The following RAP2B variants were observed in gnomAD, a reference collection of about 807,000 sequenced individuals.
RAP2B encodes ras-related protein Rap-2b.
A neutral mutation model predicts 14.4 loss-of-function variants in RAP2B; 6 were observed. The observed-to-expected ratio is 0.42, with a 90% CI of 0.23 to 0.82. The LOEUF (loss-of-function observed/expected upper bound fraction) is 0.82, where lower values mean the gene tolerates loss of function less well. Among genes scored for constraint, RAP2B ranks in the 40% least tolerant of loss-of-function variants. The pLI is 0.30. For synonymous variants in RAP2B, 118 were observed against 113.2 expected, an observed-to-expected ratio of 1.04 and a Z score of -0.27; for missense variants, 137 against 248.2, an observed-to-expected ratio of 0.55 and a Z score of 3.01.
At position 153,168,239 on chromosome 3, in the gene RAP2B, C is replaced by T. The variant is rs1195378301; in HGVS notation, c.*4994C>T. ...GCCTTCTAAAGAAACAATAGTAGAT[C>T]TAATTACAAGTAGTGGATTGCTTAC... On this transcript the variant is annotated 3_prime_UTR_variant, in exon 1 of 1. Transcript: ENST00000323534. 3 of 166,876 alleles carry T rather than the reference C, an allele frequency of 1.8e-5. No individual in the cohort carries two copies. The highest frequency in any genetic ancestry group is 7.2e-5 in the African/African-American group (3 of 41,422). The allele number at this position is 166,876 out of a possible 1,614,324, so 10.3% of individuals were successfully genotyped here.
Position 153,162,773 on chromosome 3 carries a change from C to A in RAP2B, c.80C>A (p.Ser27Tyr). The change falls in exon 1 of 1, where the codon TCC becomes TAC. Residue 27 changes from serine (S) to tyrosine (Y), a missense_variant. This residue lies in a region of RAP2B where 31 missense variants were observed against 104.7 expected (regional missense o/e 0.30). Coordinates refer to ENST00000323534, the MANE Select transcript of RAP2B (RefSeq NM_002886.4). The surrounding 1 kb of genome is among the most constrained non-coding windows in gnomAD (Gnocchi z 4.9). ...CTCACCGTGCAGTTCGTGACGGGCTCCTTCATCGAGAAGTACGACCCGACC... is the reference window on the plus strand; with the variant it reads ...CTCACCGTGCAGTTCGTGACGGGCTACTTCATCGAGAAGTACGACCCGACC... ...SALTVQFVTG[S>Y]FIEKYDPTIE... The A allele has an allele frequency of 6.2e-7, 1 of 1,614,096 alleles. No homozygotes were observed. Among genetic ancestry groups the A allele is most frequent in the Non-Finnish European group, 8.5e-7 (1 of 1,180,042 alleles).
rs1713645205 is a variant in RAP2B, at chr3:153,168,674, A to G, written c.*5429A>G. On this transcript the variant is annotated 3_prime_UTR_variant, in exon 1 of 1. Transcript: ENST00000323534. ...CTTCCCTACCCATGATAGATTTATT[A>G]AGATTGTCTTTGGAGCTATGTCTTC... The G allele has an allele frequency of 6.6e-6, 1 of 152,210 alleles. No homozygotes were observed. The highest frequency in any genetic ancestry group is 1.5e-5 in the Non-Finnish European group (1 of 68,040). The allele number at this position is 152,210 out of a possible 1,614,324, so 9.4% of individuals were successfully genotyped here. A position where few individuals can be genotyped will look rare whatever the true frequency, so the allele number is the denominator to read the frequency against.
Position 153,165,474 on chromosome 3 carries a change from C to T in RAP2B, c.*2229C>T, listed in dbSNP as rs972461904. On this transcript the variant is annotated 3_prime_UTR_variant, in exon 1 of 1. Transcript: ENST00000323534. ...TATACCTTAGGTCTATGAAGTGTAGCTGAAATCTGAAGAGTCTTGACAAAG... is the reference window on the plus strand; with the variant it reads ...TATACCTTAGGTCTATGAAGTGTAGTTGAAATCTGAAGAGTCTTGACAAAG... The T allele has an allele frequency of 6.1e-6, 1 of 165,108 alleles. No homozygotes were observed. The highest frequency in any genetic ancestry group is 6.5e-5 in the Admixed American group (1 of 15,270). 10.2% of individuals were successfully genotyped at this position (165,108 alleles called of 1,614,324 possible).
At position 153,165,479 on chromosome 3, in the gene RAP2B, A is replaced by C. The variant is rs1408596915; in HGVS notation, c.*2234A>C. 2 of 165,290 alleles carry C rather than the reference A, an allele frequency of 1.2e-5. No individual in the cohort carries two copies. Among genetic ancestry groups the C allele is most frequent in the African/African-American group, 4.8e-5 (2 of 41,462 alleles). The allele number at this position is 165,290 out of a possible 1,614,324, so 10.2% of individuals were successfully genotyped here. A position where few individuals can be genotyped will look rare whatever the true frequency, so the allele number is the denominator to read the frequency against. On this transcript the variant is annotated 3_prime_UTR_variant, in exon 1 of 1. Transcript: ENST00000323534. ...CTTAGGTCTATGAAGTGTAGCTGAA[A>C]TCTGAAGAGTCTTGACAAAGGGATT...
Position 153,162,732 on chromosome 3 carries a change from C to T in RAP2B, c.39C>T (p.Gly13=). 1 of 1,613,600 alleles carries T rather than the reference C, an allele frequency of 6.2e-7. No individual in the cohort carries two copies. The highest frequency in any genetic ancestry group is 1.1e-5 in the South Asian group (1 of 91,074). The change falls in exon 1 of 1, where the codon GGC becomes GGT. Residue 13 remains glycine, a synonymous_variant. Coordinates refer to ENST00000323534, the MANE Select transcript of RAP2B (RefSeq NM_002886.4). The surrounding 1 kb of genome is among the most constrained non-coding windows in gnomAD (Gnocchi z 4.9). Reference sequence around the variant, plus strand: ...AAGTGGTGGTGCTGGGCTCGGGCGGCGTGGGCAAGTCCGCGCTCACCGTGC... The same window carrying T: ...AAGTGGTGGTGCTGGGCTCGGGCGGTGTGGGCAAGTCCGCGCTCACCGTGC... ...EYKVVVLGSG[G]VGKSALTVQF...
In RAP2B at chr3:153,166,429, G is replaced by GT; in HGVS notation, c.*3187dup. On this transcript the variant is annotated 3_prime_UTR_variant, in exon 1 of 1. Transcript: ENST00000323534. ...AAGGAAGTGAGTCAGGGAGGGCGGA[G>GT]TTTGTTGTAAGGCAATCACCTGTCA... 1 of 167,050 alleles carries GT rather than the reference G, an allele frequency of 6.0e-6. No individual in the cohort carries two copies. The highest frequency in any genetic ancestry group is 1.5e-5 in the Non-Finnish European group (1 of 68,092). 10.3% of individuals were successfully genotyped at this position (167,050 alleles called of 1,614,324 possible).
rs142852090 is a variant in RAP2B, at chr3:153,168,892, C to T, written c.*5647C>T. The T allele has an allele frequency of 2.1e-3, 316 of 152,284 alleles. No individual in the cohort carries two copies. The highest frequency in any genetic ancestry group is 7.5e-3 in the African/African-American group (310 of 41,570). The allele number at this position is 152,284 out of a possible 1,614,324, so 9.4% of individuals were successfully genotyped here. On this transcript the variant is annotated 3_prime_UTR_variant, in exon 1 of 1. Transcript: ENST00000323534. ...TATTGCTGGTGATAGTACAATGAAA[C>T]ACTGACTTCAGTATATTTTTATCTT...
chr3:153,162,673 G>A lies in RAP2B; in HGVS notation c.-21G>A, dbSNP rs758016755. 1 of 1,574,858 alleles carries A rather than the reference G, an allele frequency of 6.3e-7. No individual in the cohort carries two copies. The highest frequency in any genetic ancestry group is 8.6e-7 in the Non-Finnish European group (1 of 1,159,402). On this transcript the variant is annotated 5_prime_UTR_variant, in exon 1 of 1. Coordinates refer to ENST00000323534, the MANE Select transcript of RAP2B (RefSeq NM_002886.4). This position sits in a 1 kb window ranked among gnomAD's most constrained non-coding sequence, Gnocchi z 4.9. Reference sequence around the variant, plus strand: ...GCCCCGACGGGGCCGCGGCAGGCGCGGCGAGAGCGCTGACGGAGCCATGAG... The same window carrying A: ...GCCCCGACGGGGCCGCGGCAGGCGCAGCGAGAGCGCTGACGGAGCCATGAG...
At position 153,167,970 on chromosome 3, in the gene RAP2B, T is replaced by C. The variant is rs952360044; in HGVS notation, c.*4725T>C. ...TCATGGCAAGGGTTCTAAAAATCATTGTGCCAGAGAATTTAAATCTTCATA... is the reference window on the plus strand; with the variant it reads ...TCATGGCAAGGGTTCTAAAAATCATCGTGCCAGAGAATTTAAATCTTCATA... On this transcript the variant is annotated 3_prime_UTR_variant, in exon 1 of 1. Coordinates refer to ENST00000323534, the MANE Select transcript of RAP2B (RefSeq NM_002886.4). 1.8e-5 allele frequency: 3 copies of C among 167,066 alleles called. No homozygotes were observed. The highest frequency in any genetic ancestry group is 2.9e-5 in the Non-Finnish European group (2 of 68,116). 10.3% of individuals were successfully genotyped at this position (167,066 alleles called of 1,614,324 possible).
At position 153,165,139 on chromosome 3, in the gene RAP2B, G is replaced by A. The variant is rs1345601547; in HGVS notation, c.*1894G>A. On this transcript the variant is annotated 3_prime_UTR_variant, in exon 1 of 1. Transcript: ENST00000323534. Reference sequence around the variant, plus strand: ...TCCCTCTGTTTATATTGCACATCAAGTCAAAAACATGTTTGGGAAAGATGG... The same window carrying A: ...TCCCTCTGTTTATATTGCACATCAAATCAAAAACATGTTTGGGAAAGATGG... 3 of 166,984 alleles carry A rather than the reference G, an allele frequency of 1.8e-5. No individual in the cohort carries two copies. The highest frequency in any genetic ancestry group is 4.4e-5 in the Non-Finnish European group (3 of 68,082). The allele number at this position is 166,984 out of a possible 1,614,324, so 10.3% of individuals were successfully genotyped here. A position where few individuals can be genotyped will look rare whatever the true frequency, so the allele number is the denominator to read the frequency against.
chr3:153,163,103 A>G lies in RAP2B; in HGVS notation c.410A>G (p.Glu137Gly). The G allele has an allele frequency of 1.9e-6, 3 of 1,613,776 alleles. No individual in the cohort carries two copies. The highest frequency in any genetic ancestry group is 2.5e-6 in the Non-Finnish European group (3 of 1,180,014). ...GGGGAGGGCAAGGCCCTGGCTGAGG[A>G]GTGGAGCTGCCCCTTCATGGAGACG... is the stretch of plus-strand genomic sequence containing the variant. ...SYGEGKALAEEWSCPFMETSA... is the reference protein window; with the variant it reads ...SYGEGKALAEGWSCPFMETSA... The change falls in exon 1 of 1, where the codon GAG (glutamate) becomes GGG (glycine). Residue 137 changes from glutamate (E) to glycine (G), a missense_variant. By Grantham distance (98) the Glu-to-Gly change is moderately conservative (BLOSUM62 -2). Around this residue, in one of 2 missense-constraint regions of RAP2B, gnomAD observed 106 missense variants for 143.5 expected, o/e 0.74. Coordinates refer to ENST00000323534, the MANE Select transcript of RAP2B (RefSeq NM_002886.4).
At position 153,170,287 on chromosome 3, in the gene RAP2B, A is replaced by G. The variant is rs1576683638; in HGVS notation, c.*7042A>G. On this transcript the variant is annotated 3_prime_UTR_variant, in exon 1 of 1. Coordinates refer to ENST00000323534, the MANE Select transcript of RAP2B (RefSeq NM_002886.4). ...GAGACCAACCTTAATTATCAAGAAT[A>G]TGGTTGCAGTGGAAATTGGTAAACA... 1 of 152,230 alleles carries G rather than the reference A, an allele frequency of 6.6e-6. No individual in the cohort carries two copies. The highest frequency in any genetic ancestry group is 1.9e-4 in the East Asian group (1 of 5,202). The allele number at this position is 152,230 out of a possible 1,614,324, so 9.4% of individuals were successfully genotyped here. A position where few individuals can be genotyped will look rare whatever the true frequency, so the allele number is the denominator to read the frequency against.
rs1713616437 is a variant in RAP2B at position 153,167,677 on chromosome 3, T to G, written c.*4432T>G. The G allele has an allele frequency of 6.0e-6, 1 of 167,106 alleles. No homozygotes were observed. The highest frequency in any genetic ancestry group is 1.5e-5 in the Non-Finnish European group (1 of 68,110). 10.4% of individuals were successfully genotyped at this position (167,106 alleles called of 1,614,324 possible). A position where few individuals can be genotyped will look rare whatever the true frequency, so the allele number is the denominator to read the frequency against. ...TACCATTTATACTAAGACTAACTGT[T>G]GTGTGTGAAATAGAATAAACATTGC... is the stretch of plus-strand genomic sequence containing the variant. On this transcript the variant is annotated 3_prime_UTR_variant, in exon 1 of 1. Coordinates refer to ENST00000323534, the MANE Select transcript of RAP2B (RefSeq NM_002886.4).
rs1713683212 is a variant in RAP2B, at chr3:153,169,862, G to T, written c.*6617G>T. ...CCTCCTCAGCCCCTCAAAGTGCTGGGATTACAGGCCTGAGCCACTGCATCC... is the reference window on the plus strand; with the variant it reads ...CCTCCTCAGCCCCTCAAAGTGCTGGTATTACAGGCCTGAGCCACTGCATCC... On this transcript the variant is annotated 3_prime_UTR_variant, in exon 1 of 1. Transcript: ENST00000323534. 6.6e-6 allele frequency: 1 copy of T among 152,376 alleles called. No individual in the cohort carries two copies. Among genetic ancestry groups the T allele is most frequent in the African/African-American group, 2.4e-5 (1 of 41,570 alleles). 9.4% of individuals were successfully genotyped at this position (152,376 alleles called of 1,614,324 possible). A position where few individuals can be genotyped will look rare whatever the true frequency, so the allele number is the denominator to read the frequency against.
In RAP2B at chr3:153,168,110, A is replaced by G. The variant is rs1713630588; in HGVS notation, c.*4865A>G. 6.0e-6 allele frequency: 1 copy of G among 166,998 alleles called. No homozygotes were observed. 10.3% of individuals were successfully genotyped at this position (166,998 alleles called of 1,614,324 possible). A position where few individuals can be genotyped will look rare whatever the true frequency, so the allele number is the denominator to read the frequency against. On this transcript the variant is annotated 3_prime_UTR_variant, in exon 1 of 1. Coordinates refer to ENST00000323534, the MANE Select transcript of RAP2B (RefSeq NM_002886.4). ...AATCCATTCTGGGAAAATGCATACCACAAAACTGTGTATCTTGCAGCTTCT... is the reference window on the plus strand; with the variant it reads ...AATCCATTCTGGGAAAATGCATACCGCAAAACTGTGTATCTTGCAGCTTCT...
In RAP2B at chr3:153,165,278, C is replaced by T. The variant is rs1258433675; in HGVS notation, c.*2033C>T. ...ATTTGGAAATAGATTTAAAAGAAAACAGGCTAAGATAATATCCTTGTTCTC... is the reference window on the plus strand; with the variant it reads ...ATTTGGAAATAGATTTAAAAGAAAATAGGCTAAGATAATATCCTTGTTCTC... On this transcript the variant is annotated 3_prime_UTR_variant, in exon 1 of 1. Transcript: ENST00000323534. The T allele has an allele frequency of 1.8e-5, 3 of 167,050 alleles. No individual in the cohort carries two copies. The Admixed American group carries it at 2.0e-4, about 11-fold the overall frequency. The allele number at this position is 167,050 out of a possible 1,614,324, so 10.3% of individuals were successfully genotyped here. A position where few individuals can be genotyped will look rare whatever the true frequency, so the allele number is the denominator to read the frequency against.
chr3:153,167,561 A>G lies in RAP2B; in HGVS notation c.*4316A>G, dbSNP rs1181991637. On this transcript the variant is annotated 3_prime_UTR_variant, in exon 1 of 1. Transcript: ENST00000323534. The stretch of plus-strand genomic sequence containing the variant: ...GACAGCCACCTAGATATTGAGAGAC[A>G]CAGACTTCAGACTCATGTCACACAT... 2 of 167,112 alleles carry G rather than the reference A, an allele frequency of 1.2e-5. No homozygotes were observed. The highest frequency in any genetic ancestry group is 2.9e-5 in the Non-Finnish European group (2 of 68,112). The allele number at this position is 167,112 out of a possible 1,614,324, so 10.4% of individuals were successfully genotyped here.
At position 153,163,173 on chromosome 3, in the gene RAP2B, C is replaced by A. The variant is rs1201080360; in HGVS notation, c.480C>A (p.Ile160=). The change falls in exon 1 of 1, where the codon ATC becomes ATA. Residue 160 remains isoleucine, a synonymous_variant. Transcript: ENST00000323534. ...CGGTAGACGAGCTATTTGCCGAGAT[C>A]GTGCGGCAGATGAACTACGCGGCGC... The part of the protein sequence containing the change: ...KASVDELFAE[I]VRQMNYAAQP... 1 of 1,606,894 alleles carries A rather than the reference C, an allele frequency of 6.2e-7. No individual in the cohort carries two copies. The highest frequency in any genetic ancestry group is 8.5e-7 in the Non-Finnish European group (1 of 1,177,270).
rs1713418471 is a variant in RAP2B, at chr3:153,162,239, GGA to G, written c.-449_-448del. On this transcript the variant is annotated 5_prime_UTR_variant, in exon 1 of 1. Transcript: ENST00000323534. This position sits in a 1 kb window ranked among gnomAD's most constrained non-coding sequence, Gnocchi z 4.9. The stretch of plus-strand genomic sequence containing the variant: ...AAGCCCTCGCCCAGTAGAGGCTGTG[GGA>G]GAGAGCGCGATGGGCCGCGGCGGTG... 6.5e-6 allele frequency: 1 copy of G among 152,778 alleles called. No individual in the cohort carries two copies. Among genetic ancestry groups the G allele is most frequent in the Non-Finnish European group, 1.5e-5 (1 of 68,564 alleles). The allele number at this position is 152,778 out of a possible 1,614,324, so 9.5% of individuals were successfully genotyped here. A position where few individuals can be genotyped will look rare whatever the true frequency, so the allele number is the denominator to read the frequency against.
Sources: allele counts gnomAD v4.1 joint callset, GRCh38; gene constraint gnomAD v4.1.1; regional missense constraint gnomAD v4.1.1; non-coding constraint Gnocchi (gnomAD v3.1); transcripts MANE v1.5; gene names NCBI Gene and HGNC (gene_info 2026-07-23, HGNC 2026-07-21).